HERC2: variants seen among roughly 807,000 people sequenced by gnomAD.
The protein encoded by HERC2 is HECT and RLD domain containing E3 ubiquitin protein ligase 2.
A neutral mutation model predicts 537.7 loss-of-function variants in HERC2; 102 were observed. That is an observed-to-expected ratio of 0.19 (90% CI 0.16 to 0.22). The LOEUF (loss-of-function observed/expected upper bound fraction) is 0.22. Ranked by LOEUF, HERC2 falls within the 10% of genes least tolerant of loss-of-function variation. HERC2 has a pLI of 1.00. For synonymous variants in HERC2, 2,224 were observed against 2,466.2 expected (o/e 0.90, Z 2.91); for missense variants, 4,236 against 6,198.2 (o/e 0.68, Z 10.63).
rs767335178 is a variant in HERC2 at position 28,191,032 on chromosome 15, A to G, written c.8582T>C (p.Ile2861Thr). ...GTTAATATTGATTGTCTTTAGTTCA[A>G]TAAGGTTATTCAGGGAATTTCCACC... ...VSGGNSLNNL[I>T]ELKTININPS... Residue 2861 changes from isoleucine to threonine, a missense_variant, in exon 55 of 93, where the codon ATT (isoleucine) becomes ACT (threonine). Coordinates refer to ENST00000261609, the MANE Select transcript of HERC2 (RefSeq NM_004667.6). 1.1e-5 allele frequency: 17 copies of G among 1,613,016 alleles called. No individual in the cohort carries two copies. In the East Asian group the frequency reaches 2.7e-4, roughly 25 times the overall value.
Position 28,246,022 on chromosome 15 carries a change from T to C in HERC2, c.3436A>G (p.Ser1146Gly), listed in dbSNP as rs760372932. Residue 1146 changes from serine to glycine, a missense_variant, in exon 23 of 93, where the codon AGT becomes GGT. Transcript: ENST00000261609. The part of the protein sequence containing the change: ...ELVVSIVLLL[S>G]KNAGLMQEAG... ...TCTTGCATGAGACCAGCATTTTTACTGAGCAGAAGCACTATAGAAACTACT... is the reference window on the plus strand; with the variant it reads ...TCTTGCATGAGACCAGCATTTTTACCGAGCAGAAGCACTATAGAAACTACT... The C allele has an allele frequency of 2.5e-6, 4 of 1,613,760 alleles. No individual in the cohort carries two copies. The highest frequency in any genetic ancestry group is 3.4e-6 in the Non-Finnish European group (4 of 1,179,722).
chr15:28,283,087 A>G (rs1407357782), intron 4 of HERC2, among the ~76,000 whole-genome samples: 1 of 151,488 alleles, frequency 6.6e-6, no homozygotes, highest in Non-Finnish European at 1.5e-5. Flanking sequence ...TGGGACTATA[A>G]CAACTCCAGT....
At chr15:28,285,262 C>T (rs939379649) in intron 4 of HERC2, among the ~76,000 whole-genome samples, 10 of 152,102 alleles carry the variant, frequency 6.6e-5, no homozygotes, top group African/African-American at 1.7e-4. Context: ...CAAGCATCCA[C>T]AAAACAAATA....
chr15:28,174,697 A>C (rs1490634644), intron 64 of HERC2, 77 bp from the exon 65 acceptor site: 2 of 1,197,032 alleles, frequency 1.7e-6, no homozygotes, highest in East Asian at 4.7e-5. Flanking sequence ...TTACTTCAAA[A>C]TGCTTAACGC....
rs552136317 is a variant in HERC2, at chr15:28,146,089, C to G, written c.11008+148G>C. On this transcript the variant is annotated intron_variant, in intron 71 of 92. Coordinates refer to ENST00000261609, the MANE Select transcript of HERC2 (RefSeq NM_004667.6). ...TATGGGAAAGAGGCAAGCAAACCCA[C>G]TGTGTTTCACAGCTGAATAGCATAT... The G allele has an allele frequency of 6.4e-6, 4 of 622,176 alleles. No homozygotes were observed. The South Asian group carries it at 8.2e-5, about 13-fold the overall frequency. The allele number at this position is 622,176 out of a possible 1,614,324, so 38.5% of individuals were successfully genotyped here.
intron 25 of HERC2, 104 bp downstream of exon 25, chr15:28,238,010 A>G: frequency 1.2e-6 from 1 of 847,016 alleles, no homozygotes; most frequent in Non-Finnish European, 2.1e-6. Flanking sequence ...AATGCCCCAC[A>G]AAAGACCCAG....
intron 65 of HERC2, among the ~76,000 whole-genome samples, chr15:28,173,941 A>G (rs1299015268): frequency 6.6e-6 from 1 of 151,950 alleles, no homozygotes; most frequent in African/African-American, 2.4e-5. Context: ...CCAGAGAGGA[A>G]CGCTGGGGTA....
rs144504965 is a variant in HERC2, at chr15:28,238,140, C to T, written c.3826G>A (p.Ala1276Thr). ...QFEDTRESMHAFCVGQYLEPD... is the reference protein window; with the variant it reads ...QFEDTRESMHTFCVGQYLEPD... ...TCCAAATACTGGCCAACACAAAACGCGTGCATGGATTCCCGGGTGTCTTCA... is the reference window on the plus strand; with the variant it reads ...TCCAAATACTGGCCAACACAAAACGTGTGCATGGATTCCCGGGTGTCTTCA... Residue 1276 changes from alanine (A) to threonine (T), a missense_variant, in exon 25 of 93, where the codon GCG (alanine) becomes ACG (threonine). Around this residue, in one of 27 missense-constraint regions of HERC2, gnomAD observed 754 missense variants for 1,085.0 expected, o/e 0.69. Transcript: ENST00000261609. 8 of 1,611,816 alleles carry T rather than the reference C, an allele frequency of 5.0e-6. No homozygotes were observed. Among genetic ancestry groups the T allele is most frequent in the African/African-American group, 4.0e-5 (3 of 74,850 alleles).
At position 28,137,377 on chromosome 15, in the gene HERC2, G is replaced by A. The variant is rs536804090; in HGVS notation, c.12016-1685C>T. Among the ~76,000 whole-genome samples the A allele has an allele frequency of 1.7e-4, 26 of 152,190 alleles. No homozygotes were observed. In the South Asian group the frequency reaches 1.9e-3, roughly 11 times the overall value. On this transcript the variant is annotated intron_variant, in intron 78 of 92. Transcript: ENST00000261609. ...ACTGTGCCTTGCTTTACTGTACCTC[G>A]CAGATACTGTTTTTTATAAACTGAA...
chr15:28,296,241 C>T (rs1298207010), intron 3 of HERC2, among the ~76,000 whole-genome samples: 1 of 151,880 alleles, frequency 6.6e-6, no homozygotes, highest in Non-Finnish European at 1.5e-5. Context: ...TTTGGGAGGC[C>T]GAGGTGGGCA....
chr15:28,133,916 T>G (rs1290961341), intron 79 of HERC2, among the ~76,000 whole-genome samples: 5 of 152,228 alleles, frequency 3.3e-5, no homozygotes, highest in Non-Finnish European at 7.3e-5. Context: ...AGTCAGGTAG[T>G]GCAAATCTTC....
At chr15:28,146,087 C>T in intron 71 of HERC2, 150 bp downstream of exon 71, 1 of 618,910 alleles carries the variant, frequency 1.6e-6, no homozygotes, top group Non-Finnish European at 2.9e-6. Flanking sequence ...CAAGCAAACC[C>T]ACTGTGTTTC....
chr15:28,124,622 C>T (rs943447555), intron 84 of HERC2, among the ~76,000 whole-genome samples: 1 of 152,196 alleles, frequency 6.6e-6, no homozygotes, highest in Admixed American at 6.5e-5. Flanking sequence ...GGCAGTGGTG[C>T]AATCACTGCA....
chr15:28,144,733 C>T lies in HERC2; in HGVS notation c.11080G>A (p.Asp3694Asn). Residue 3694 changes from aspartate (D) to asparagine (N), a missense_variant, in exon 72 of 93, where the codon GAT (aspartate) becomes AAT (asparagine). This residue lies in a region of HERC2 where 5 missense variants were observed against 23.4 expected (regional missense o/e 0.21). Transcript: ENST00000261609. ...GDELKWKFIS[D>N]GSVNGWGWRF... ...CAGCCCCAGCCATTCACAGACCCATCGCTGATGAACTTCCACTTTAACTCA... is the reference window on the plus strand; with the variant it reads ...CAGCCCCAGCCATTCACAGACCCATTGCTGATGAACTTCCACTTTAACTCA... 3.1e-6 allele frequency: 5 copies of T among 1,614,234 alleles called. No individual in the cohort carries two copies. Among genetic ancestry groups the T allele is most frequent in the Non-Finnish European group, 4.2e-6 (5 of 1,180,044 alleles).
At chr15:28,232,593 A>C (rs1310197709) in intron 30 of HERC2, among the ~76,000 whole-genome samples, 1 of 151,976 alleles carries the variant, frequency 6.6e-6, no homozygotes, top group Admixed American at 6.6e-5. Context: ...TCTGTAGTTT[A>C]TTTATAATCA....
At chr15:28,287,049 G>A (rs186432818) in intron 4 of HERC2, among the ~76,000 whole-genome samples, 193 of 152,266 alleles carry the variant, frequency 1.3e-3, no homozygotes, top group Admixed American at 0.012. Flanking sequence ...GTGCGTGCGC[G>A]CTGTAAAATT....
chr15:28,246,184 A>G, intron 22 of HERC2, 118 bp from the exon 23 acceptor site: 1 of 653,234 alleles, frequency 1.5e-6, no homozygotes. Flanking sequence ...GTCCTTTAGC[A>G]TATTTCTAAA....
At chr15:28,168,936 T>C (rs1414350237) in intron 66 of HERC2, among the ~76,000 whole-genome samples, 1 of 152,232 alleles carries the variant, frequency 6.6e-6, no homozygotes, top group East Asian at 1.9e-4. Flanking sequence ...CAGGCAATTT[T>C]GTGTTTACTG....
chr15:28,143,588 A>G (rs896496550), intron 74 of HERC2, among the ~76,000 whole-genome samples: 3 of 152,044 alleles, frequency 2.0e-5, no homozygotes, highest in Admixed American at 1.3e-4. Context: ...CTGGGACTAC[A>G]GGTGCCCACC....
Sources: gnomAD v4.1 joint callset for allele counts (sites outside exome capture counted in the v4.1 genomes callset) on GRCh38, gnomAD v4.1.1 for gene constraint, gnomAD v4.1.1 regional missense constraint, MANE v1.5 for transcripts, NCBI Gene and HGNC (gene_info 2026-07-23, HGNC 2026-07-21) for gene names.